NEK6: variants seen among roughly 807,000 people sequenced by gnomAD.
NEK6 encodes serine/threonine-protein kinase Nek6.
In NEK6, 27 loss-of-function variants were observed where a neutral mutation model predicts 43.5. The observed-to-expected ratio is 0.62, with a 90% CI of 0.46 to 0.86. NEK6 has a LOEUF of 0.86. NEK6 is among the 40% of genes least tolerant of loss of function. NEK6 has a pLI of 0.00. For missense variants in NEK6, 318 were observed against 414.4 expected (o/e 0.77, Z 2.02); for synonymous variants, 167 against 164.1 (o/e 1.02, Z -0.14).
At chr9:124,268,180 C>T (rs1393249367) in intron 1 of NEK6, among the ~76,000 whole-genome samples, 1 of 152,188 alleles carries the variant, frequency 6.6e-6, no homozygotes, top group Non-Finnish European at 1.5e-5. Flanking sequence ...CTACCCAGTG[C>T]AGGTTACTGG....
rs540202873 is a variant in NEK6, at chr9:124,289,169, C to T, written c.-29-12767C>T. ...CCTAGTTAAGACTTTGATTGGACAC[C>T]CCCCCCGCCCCCCCCCGCCACACAC... On this transcript the variant is annotated intron_variant, in intron 1 of 9. Coordinates refer to ENST00000320246, the MANE Select transcript of NEK6 (RefSeq NM_014397.6). Among the ~76,000 whole-genome samples the T allele has an allele frequency of 4.2e-3, 63 of 14,932 alleles. 4 individuals carry two copies. The highest frequency in any genetic ancestry group is 6.7e-3 in the Non-Finnish European group (55 of 8,178). 9.8% of individuals were successfully genotyped at this position (14,932 alleles called of 152,430 possible).
intron 1 of NEK6, among the ~76,000 whole-genome samples, chr9:124,266,099 G>A (rs958326717): frequency 2.0e-5 from 3 of 152,224 alleles, no homozygotes; most frequent in Non-Finnish European, 4.4e-5. Flanking sequence ...GGGCTGAGAG[G>A]GCTGGGGTGA....
chr9:124,349,994 CGCA>C (rs1830164556), intron 9 of NEK6, among the ~76,000 whole-genome samples: 1 of 152,234 alleles, frequency 6.6e-6, no homozygotes. Flanking sequence ...AACGGGCCTG[CGCA>C]GCAGTAGCCC....
At chr9:124,293,136 A>G in intron 1 of NEK6, 4 of 1,211,966 alleles carry the variant, frequency 3.3e-6, no homozygotes, top group Non-Finnish European at 4.2e-6. Flanking sequence ...ACCAAGGATC[A>G]CCTCAGGCAA....
chr9:124,292,909 CG>C, intron 1 of NEK6: 2 of 1,504,406 alleles, frequency 1.3e-6, no homozygotes, highest in Non-Finnish European at 1.8e-6. Flanking sequence ...CTGGGAGTGA[CG>C]GGGTGAGTCC....
chr9:124,293,762 G>C (rs1832542463), intron 1 of NEK6, among the ~76,000 whole-genome samples: 1 of 152,198 alleles, frequency 6.6e-6, no homozygotes, highest in Non-Finnish European at 1.5e-5. Flanking sequence ...TTTTCACCGG[G>C]CCTGGGTGAG....
At chr9:124,332,862 A>G (rs1193466149) in intron 7 of NEK6, among the ~76,000 whole-genome samples, 1 of 152,140 alleles carries the variant, frequency 6.6e-6, no homozygotes, top group Admixed American at 6.5e-5. Flanking sequence ...CGGGAAGGTC[A>G]GGGTTTGTCA....
intron 7 of NEK6, among the ~76,000 whole-genome samples, chr9:124,335,187 C>A (rs767862017): frequency 1.3e-5 from 2 of 152,158 alleles, no homozygotes; most frequent in Non-Finnish European, 2.9e-5. Flanking sequence ...CACTGTTCAC[C>A]GAGAACTGTG....
In NEK6 at chr9:124,352,868, T is replaced by C. The variant is rs749027328; in HGVS notation, c.*1921T>C. On this transcript the variant is annotated 3_prime_UTR_variant, in exon 10 of 10. Transcript: ENST00000320246. ...GCCCCAGCACGCAATCAACCTACTT[T>C]GTGCATGCCACCCGCTTTCCACACT... The C allele has an allele frequency of 2.6e-5, 4 of 152,364 alleles. No individual in the cohort carries two copies. Among genetic ancestry groups the C allele is most frequent in the Non-Finnish European group, 4.4e-5 (3 of 68,118 alleles). The allele number at this position is 152,364 out of a possible 1,614,324, so 9.4% of individuals were successfully genotyped here. A position where few individuals can be genotyped will look rare whatever the true frequency, so the allele number is the denominator to read the frequency against.
chr9:124,327,818 C>T (rs1420250565), intron 7 of NEK6, among the ~76,000 whole-genome samples: 1 of 152,184 alleles, frequency 6.6e-6, no homozygotes, highest in African/African-American at 2.4e-5. Flanking sequence ...TTGCACTGTT[C>T]CTAGTTTCTG....
chr9:124,335,044 G>A (rs2131009181), intron 7 of NEK6, among the ~76,000 whole-genome samples: 1 of 152,252 alleles, frequency 6.6e-6, no homozygotes, highest in East Asian at 1.9e-4. Flanking sequence ...CTGGGGACAG[G>A]ACTCCCTGCC....
rs575071436 is a variant in NEK6, at chr9:124,311,780, C to T, written c.91-729C>T. ...TCTCTGCTCACTGCAACCTCTGCCT[C>T]CTGGGTTCAAGCGATTCTCATGCCT... is the stretch of plus-strand genomic sequence containing the variant. On this transcript the variant is annotated intron_variant, in intron 2 of 9. Transcript: ENST00000320246. 7.1e-4 allele frequency among the ~76,000 whole-genome samples: 108 copies of T among 152,344 alleles called. 2 individuals carry two copies. The highest frequency in any genetic ancestry group is 2.5e-3 in the African/African-American group (104 of 41,584).
intron 4 of NEK6, among the ~76,000 whole-genome samples, chr9:124,318,032 A>G (rs139507907): frequency 1.1e-3 from 160 of 152,322 alleles, no homozygotes; most frequent in African/African-American, 3.5e-3. Context: ...TCCTTTGGGT[A>G]TATACCCAGT....
At chr9:124,321,612 C>A in intron 5 of NEK6, 43 bp downstream of exon 5, 1 of 1,277,222 alleles carries the variant, frequency 7.8e-7, no homozygotes, top group Non-Finnish European at 1.1e-6. Context: ...CTGCGCAGAT[C>A]TGGAGCCAAA....
chr9:124,338,938 C>T (rs545727260), intron 7 of NEK6, among the ~76,000 whole-genome samples: 1 of 12,878 alleles, frequency 7.8e-5, no homozygotes, highest in Non-Finnish European at 1.5e-4. Context: ...CAGTTGCTTC[C>T]CCCAGCCGGG....
At chr9:124,347,383 C>T (rs1385828740) in intron 8 of NEK6, among the ~76,000 whole-genome samples, 1 of 152,256 alleles carries the variant, frequency 6.6e-6, no homozygotes, top group Non-Finnish European at 1.5e-5. Flanking sequence ...CAACCTGCCA[C>T]ATGGAGCCTG....
chr9:124,279,417 T>C (rs1831798292), intron 1 of NEK6, among the ~76,000 whole-genome samples: 1 of 150,658 alleles, frequency 6.6e-6, no homozygotes, highest in African/African-American at 2.4e-5. Flanking sequence ...TTCTCCTGCC[T>C]CAGCCACCCG....
chr9:124,301,458 G>A (rs1314883333), intron 1 of NEK6, among the ~76,000 whole-genome samples: 12 of 152,196 alleles, frequency 7.9e-5, no homozygotes, highest in Admixed American at 5.2e-4. Flanking sequence ...GGACAAGGAC[G>A]TAGGTTCCTT....
At chr9:124,262,784 T>G (rs1054794947) in intron 1 of NEK6, 2 of 152,158 alleles carry the variant, frequency 1.3e-5, no homozygotes, top group African/African-American at 4.8e-5. Context: ...CATAGAATTC[T>G]AAGAAAAAAG....
Sources: allele counts gnomAD v4.1 joint callset (sites outside exome capture counted in the v4.1 genomes callset), GRCh38; gene constraint gnomAD v4.1.1; transcripts MANE v1.5; gene names NCBI Gene and HGNC (gene_info 2026-07-23, HGNC 2026-07-21).